Variants in ASPRV1 observed in about 807,000 individuals in gnomAD.
ASPRV1 encodes retroviral-like aspartic protease 1.
Under a neutral mutation model 11.0 loss-of-function variants are expected in ASPRV1, and 7 were observed. The observed-to-expected ratio is 0.64, with a 90% CI of 0.36 to 1.20. The LOEUF (loss-of-function observed/expected upper bound fraction) is 1.20, where lower values mean the gene tolerates loss of function less well. Among genes scored for constraint, ASPRV1 ranks in the 50% most tolerant of loss-of-function variants. The pLI is 0.02. For missense variants in ASPRV1, 299 were observed against 320.0 expected, an observed-to-expected ratio of 0.93 and a Z score of 0.50; for synonymous variants, 136 against 138.4, an observed-to-expected ratio of 0.98 and a Z score of 0.12.
the ASPRV1 span, among the ~76,000 whole-genome samples, chr2:70,079,739 T>C: frequency 1.3e-5 from 2 of 152,218 alleles, no homozygotes; most frequent in Admixed American, 6.5e-5. Context: ...TGACTCTACA[T>C]ACATTTTCTA....
At chr2:70,020,668 G>C in the ASPRV1 span, among the ~76,000 whole-genome samples, 1 of 152,150 alleles carries the variant, frequency 6.6e-6, no homozygotes, top group African/African-American at 2.4e-5. Context: ...TTTGAACCTG[G>C]GAGATGGAGG....
downstream of ASPRV1, among the ~76,000 whole-genome samples, chr2:69,959,397 G>T (rs1414211195): frequency 6.6e-6 from 1 of 152,094 alleles, no homozygotes; most frequent in African/African-American, 2.4e-5. Context: ...TGTCCACTCA[G>T]CTCCTCCCTT....
chr2:69,988,341 G>C, the ASPRV1 span: 2 of 158,900 alleles, frequency 1.3e-5, no homozygotes, highest in African/African-American at 2.4e-5. Flanking sequence ...GCCGTAAAAA[G>C]CAATGAAGTT....
the ASPRV1 span, among the ~76,000 whole-genome samples, chr2:69,978,959 TTCC>T: frequency 0.013 from 1,944 of 152,338 alleles, 46 homozygotes; most frequent in African/African-American, 0.045. Flanking sequence ...GGTTGCATTT[TTCC>T]TCCTCCTCCC....
chr2:69,983,175 T>A, the ASPRV1 span, among the ~76,000 whole-genome samples: 6 of 152,124 alleles, frequency 3.9e-5, no homozygotes, highest in Non-Finnish European at 8.8e-5. Flanking sequence ...CACCATGGCC[T>A]CCCAAAGTGC....
At chr2:70,073,865 G>A in the ASPRV1 span, among the ~76,000 whole-genome samples, 7 of 151,958 alleles carry the variant, frequency 4.6e-5, no homozygotes, top group Non-Finnish European at 1.0e-4. Flanking sequence ...CAGGTGCGGT[G>A]ACTCACACCT....
chr2:70,061,513 T>C, the ASPRV1 span, among the ~76,000 whole-genome samples: 1 of 152,036 alleles, frequency 6.6e-6, no homozygotes, highest in Non-Finnish European at 1.5e-5. Flanking sequence ...CAGAAACTAC[T>C]GGAGAAGGGG....
the ASPRV1 span, among the ~76,000 whole-genome samples, chr2:69,999,221 C>T: frequency 6.6e-6 from 1 of 152,074 alleles, no homozygotes; most frequent in Admixed American, 6.6e-5. Flanking sequence ...TTCCTCCTGC[C>T]TCCGCCTCCC....
the ASPRV1 span, among the ~76,000 whole-genome samples, chr2:69,996,214 CAAAAAAAA>C: frequency 3.7e-5 from 2 of 53,890 alleles, no homozygotes; most frequent in Non-Finnish European, 6.3e-5. Flanking sequence ...CCCCATCTCT[CAAAAAAAA>C]AAAAAAAAAA....
At chr2:70,052,452 G>A in the ASPRV1 span, among the ~76,000 whole-genome samples, 2 of 152,060 alleles carry the variant, frequency 1.3e-5, no homozygotes, top group Non-Finnish European at 2.9e-5. Context: ...ATTCCAACTG[G>A]GAGAGTAGAC....
At chr2:70,023,427 C>T in the ASPRV1 span, among the ~76,000 whole-genome samples, 2 of 152,164 alleles carry the variant, frequency 1.3e-5, no homozygotes, top group Admixed American at 6.6e-5. Context: ...GCCCAGGGTT[C>T]CCTCCATTGG....
the ASPRV1 span, among the ~76,000 whole-genome samples, chr2:70,078,446 A>G: frequency 2.0e-4 from 31 of 152,366 alleles, no homozygotes; most frequent in Non-Finnish European, 3.5e-4. Context: ...GAGCAGAGAA[A>G]GCAGAAGGCA....
In ASPRV1 at chr2:69,961,078, T is replaced by C. The variant is rs1442252130; in HGVS notation, c.359A>G (p.Lys120Arg). 1.2e-6 allele frequency: 2 copies of C among 1,613,702 alleles called. No homozygotes were observed. The highest frequency in any genetic ancestry group is 2.7e-5 in the African/African-American group (2 of 74,906). The stretch of plus-strand genomic sequence containing the variant: ...GTCCACCAGGAACCTCACGGGCACT[T>C]TGCCAATCTTCCCCTTGAGATAGTA... Reference protein sequence around the residue: ...KGYYLKGKIGKVPVRFLVDSG... With the variant: ...KGYYLKGKIGRVPVRFLVDSG... The change falls in exon 1 of 1, where the codon AAA becomes AGA. Residue 120 changes from lysine (K) to arginine (R), a missense_variant. Physicochemically the swap from Lys to Arg is conservative, Grantham distance 26. Transcript: ENST00000320256.
the ASPRV1 span, chr2:70,031,604 G>A: frequency 6.6e-6 from 1 of 152,248 alleles, no homozygotes; most frequent in Non-Finnish European, 1.5e-5. Flanking sequence ...GGCTAAGGCA[G>A]GAGAATGGCG....
the ASPRV1 span, among the ~76,000 whole-genome samples, chr2:69,978,916 A>G: frequency 4.2e-4 from 64 of 152,262 alleles, no homozygotes; most frequent in African/African-American, 1.5e-3. Context: ...GTGTGGCCAG[A>G]TTATTTCCTT....
chr2:70,079,593 A>G, the ASPRV1 span, among the ~76,000 whole-genome samples: 2 of 152,288 alleles, frequency 1.3e-5, no homozygotes, highest in South Asian at 2.1e-4. Context: ...AGAAAAAAAA[A>G]GTTGAGAAGG....
the ASPRV1 span, chr2:69,939,960 T>G: frequency 1.3e-5 from 2 of 152,302 alleles, no homozygotes; most frequent in African/African-American, 4.8e-5. Flanking sequence ...AAGAGCAGTC[T>G]CAGAAAGCAA....
upstream of ASPRV1, chr2:69,961,694 T>G: frequency 6.5e-7 from 1 of 1,532,688 alleles, no homozygotes; most frequent in Non-Finnish European, 8.8e-7. Context: ...CCCATTCTCC[T>G]TTGTTCTGGA....
chr2:70,013,016 G>C, the ASPRV1 span, among the ~76,000 whole-genome samples: 2 of 152,130 alleles, frequency 1.3e-5, no homozygotes, highest in Non-Finnish European at 2.9e-5. Context: ...TATCCATGCT[G>C]GTAGATACCT....
Sources: allele counts gnomAD v4.1 joint callset (sites outside exome capture counted in the v4.1 genomes callset), GRCh38; gene constraint gnomAD v4.1.1; transcripts MANE v1.5; gene names NCBI Gene and HGNC (gene_info 2026-07-23, HGNC 2026-07-21).